AFF3: variants seen among roughly 807,000 people sequenced by gnomAD.
AFF3 encodes the protein ALF transcription elongation factor 3, also known as AF4/FMR2 family member 3.
Under a neutral mutation model 129.7 loss-of-function variants are expected in AFF3, and 32 were observed. That is an observed-to-expected ratio of 0.25 (90% CI 0.19 to 0.33). AFF3 has a LOEUF of 0.33. Ranked by LOEUF, AFF3 falls within the 10% of genes least tolerant of loss-of-function variation. The probability of loss-of-function intolerance (pLI) is 1.00; values close to 1 mark genes in which losing one functional copy is unlikely to be tolerated. For synonymous variants in AFF3, 644 were observed against 635.4 expected, an observed-to-expected ratio of 1.01 and a Z score of -0.20; for missense variants, 1,373 against 1,592.0, an observed-to-expected ratio of 0.86 and a Z score of 2.34.
intron 18 of AFF3, among the ~76,000 whole-genome samples, chr2:99,572,947 T>G (rs1306934195): frequency 6.6e-6 from 1 of 152,136 alleles, no homozygotes; most frequent in African/African-American, 2.4e-5. Flanking sequence ...GGAACCGGGC[T>G]TCTCCCAGGC....
At chr2:99,830,374 T>C (rs1688428844) in intron 8 of AFF3, among the ~76,000 whole-genome samples, 1 of 152,242 alleles carries the variant, frequency 6.6e-6, no homozygotes, top group Non-Finnish European at 1.5e-5. Flanking sequence ...GTGACTGCAG[T>C]TGCAGTGGTG....
chr2:99,689,993 A>G (rs1675445649), intron 11 of AFF3, among the ~76,000 whole-genome samples: 1 of 148,726 alleles, frequency 6.7e-6, no homozygotes, highest in African/African-American at 2.5e-5. Flanking sequence ...AGGCTGGGAC[A>G]GGAGAATTGC....
At chr2:99,957,653 T>C (rs1197582737) in intron 7 of AFF3, among the ~76,000 whole-genome samples, 1 of 152,228 alleles carries the variant, frequency 6.6e-6, no homozygotes, top group Non-Finnish European at 1.5e-5. Flanking sequence ...GATCTTTCAC[T>C]AGTGCTGTCT....
At chr2:99,855,602 T>A (rs1288322259) in intron 7 of AFF3, among the ~76,000 whole-genome samples, 1 of 152,096 alleles carries the variant, frequency 6.6e-6, no homozygotes, top group Non-Finnish European at 1.5e-5. Context: ...ATTAAAAAAA[T>A]TTTCATGATC....
chr2:99,829,683 G>A (rs1363689149), intron 8 of AFF3, among the ~76,000 whole-genome samples: 1 of 152,176 alleles, frequency 6.6e-6, no homozygotes, highest in African/African-American at 2.4e-5. Context: ...CTGTTGCTGG[G>A]AGTATAAATT....
intron 1 of AFF3, among the ~76,000 whole-genome samples, chr2:100,138,213 C>G (rs961372935): frequency 2.0e-5 from 3 of 152,110 alleles, no homozygotes; most frequent in African/African-American, 7.2e-5. Context: ...GGAGATAGGC[C>G]GGAAGTCTAA....
chr2:100,135,347 A>G (rs1333301127), intron 1 of AFF3, among the ~76,000 whole-genome samples: 1 of 152,244 alleles, frequency 6.6e-6, no homozygotes. Context: ...GCTTTTGTCA[A>G]TAGAAGACGG....
chr2:99,601,452 G>T lies in AFF3; in HGVS notation c.1354C>A (p.His452Asn), dbSNP rs201879547. The T allele has an allele frequency of 1.3e-4, 206 of 1,606,804 alleles. No individual in the cohort carries two copies. Among genetic ancestry groups the T allele is most frequent in the African/African-American group, 1.7e-4 (13 of 74,938 alleles). Residue 452 changes from histidine (H) to asparagine (N), a missense_variant, in exon 14 of 25, where the codon CAC becomes AAC. Coordinates refer to ENST00000672756, the MANE Select transcript of AFF3 (RefSeq NM_001386135.1). ...GCGCTTACCTCGGGGCTGGAGAAGT[G>T]GGGGGGCTTGCTGCCCTCACTCTCG... ...SSESEGSKPP[H>N]FSSPEAEPAS...
At position 99,652,431 on chromosome 2, in the gene AFF3, G is replaced by C. The variant is rs184786749; in HGVS notation, c.1144-2765C>G. Reference sequence around the variant, plus strand: ...AAGGTCCCTTGTATAATGAAGAATTGTCCCCTTAAAATGACAAAGGGTGCC... The same window carrying C: ...AAGGTCCCTTGTATAATGAAGAATTCTCCCCTTAAAATGACAAAGGGTGCC... On this transcript the variant is annotated intron_variant, in intron 12 of 24. Transcript: ENST00000672756. Among the ~76,000 whole-genome samples, 89 of 152,230 alleles carry C rather than the reference G, an allele frequency of 5.8e-4. No homozygotes were observed. In the Middle Eastern group the frequency reaches 0.02, roughly 35 times the overall value.
At chr2:99,816,710 T>C (rs1687264256) in intron 8 of AFF3, among the ~76,000 whole-genome samples, 1 of 152,106 alleles carries the variant, frequency 6.6e-6, no homozygotes. Flanking sequence ...GATGTTCCGA[T>C]TAAGCCTCAG....
At chr2:99,574,957 G>T (rs542454799) in intron 18 of AFF3, among the ~76,000 whole-genome samples, 4 of 152,270 alleles carry the variant, frequency 2.6e-5, no homozygotes, top group African/African-American at 9.6e-5. Flanking sequence ...TGTCACTGAG[G>T]CTGCTGGTGG....
intron 8 of AFF3, among the ~76,000 whole-genome samples, chr2:99,806,143 C>T (rs373278735): frequency 1.4e-4 from 22 of 152,226 alleles, no homozygotes; most frequent in African/African-American, 4.3e-4. Context: ...AAATAAGGTT[C>T]GCATTTGTCA....
chr2:99,601,333 G>A (rs1013198697), intron 14 of AFF3, 102 bp downstream of exon 14: 1 of 1,339,390 alleles, frequency 7.5e-7, no homozygotes, highest in Non-Finnish European at 9.7e-7. Flanking sequence ...GTCTGCAGGA[G>A]GGAGGAGACC....
intron 7 of AFF3, among the ~76,000 whole-genome samples, chr2:99,876,381 G>T (rs1692300766): frequency 6.6e-6 from 1 of 152,052 alleles, no homozygotes; most frequent in African/African-American, 2.4e-5. Flanking sequence ...CCGCCTCAGG[G>T]AACATCCACC....
chr2:99,807,874 C>T (rs771397898), intron 8 of AFF3, among the ~76,000 whole-genome samples: 8 of 151,592 alleles, frequency 5.3e-5, no homozygotes, highest in African/African-American at 7.3e-5. Context: ...TGGCAGTCCC[C>T]GCTGGCTCAC....
At chr2:99,969,514 G>A (rs1678135881) in intron 7 of AFF3, among the ~76,000 whole-genome samples, 1 of 107,716 alleles carries the variant, frequency 9.3e-6, no homozygotes, top group Non-Finnish European at 1.8e-5. Flanking sequence ...TTGAGACAGA[G>A]TTTCACTCTT....
chr2:99,572,504 G>C (rs1412935116), intron 18 of AFF3: 15 of 433,620 alleles, frequency 3.5e-5, no homozygotes, highest in Non-Finnish European at 6.5e-5. Flanking sequence ...GCCCTCAGTA[G>C]AGCCAGCCTG....
chr2:99,611,933 T>C (rs912831708), intron 13 of AFF3, among the ~76,000 whole-genome samples: 2 of 151,928 alleles, frequency 1.3e-5, no homozygotes, highest in Admixed American at 6.6e-5. Flanking sequence ...TTCCTGACCC[T>C]TTCACTACAG....
intron 8 of AFF3, among the ~76,000 whole-genome samples, chr2:99,755,800 C>T (rs1474279620): frequency 1.3e-5 from 2 of 152,210 alleles, no homozygotes; most frequent in Non-Finnish European, 2.9e-5. Context: ...CCCTATTTCT[C>T]ATCCGGTAAA....
Sources: allele counts gnomAD v4.1 joint callset (sites outside exome capture counted in the v4.1 genomes callset), GRCh38; gene constraint gnomAD v4.1.1; transcripts MANE v1.5; gene names NCBI Gene and HGNC (gene_info 2026-07-23, HGNC 2026-07-21).